SGCZ: variants seen among roughly 807,000 people sequenced by gnomAD.
SGCZ encodes sarcoglycan zeta.
A neutral mutation model predicts 41.3 loss-of-function variants in SGCZ; 40 were observed. The observed-to-expected ratio is 0.97, with a 90% CI of 0.75 to 1.26. The LOEUF is 1.26. Among genes scored for constraint, SGCZ ranks in the 50% most tolerant of loss-of-function variants. The pLI, the probability that SGCZ is intolerant of heterozygous loss-of-function variation, is 0.00. For synonymous variants in SGCZ, 206 were observed against 137.5 expected (o/e 1.50, Z -3.49); for missense variants, 552 against 369.8 (o/e 1.49, Z -4.04).
chr8:14,656,611 CCTCT>C (rs138779814), intron 1 of SGCZ, among the ~76,000 whole-genome samples: 31 of 144,400 alleles, frequency 2.1e-4, no homozygotes, highest in African/African-American at 4.7e-4. Flanking sequence ...CTCTCCCTCT[CCTCT>C]CTCTCTCTCT....
intron 1 of SGCZ, among the ~76,000 whole-genome samples, chr8:15,216,543 T>C (rs1215328597): frequency 6.6e-6 from 1 of 152,074 alleles, no homozygotes; most frequent in Non-Finnish European, 1.5e-5. Context: ...TAAAGGATGT[T>C]GGACGTAACA....
intron 1 of SGCZ, among the ~76,000 whole-genome samples, chr8:15,134,933 A>G (rs1374144578): frequency 1.3e-5 from 2 of 151,718 alleles, no homozygotes; most frequent in Non-Finnish European, 2.9e-5. Context: ...TTGAAAGACA[A>G]TAGTTTTTCA....
intron 3 of SGCZ, among the ~76,000 whole-genome samples, chr8:14,244,830 T>G (rs916423571): frequency 1.3e-5 from 2 of 152,176 alleles, no homozygotes; most frequent in Non-Finnish European, 2.9e-5. Context: ...GTTGGATTCC[T>G]AGGTATTTTA....
At chr8:14,247,783 G>A (rs768677045) in intron 3 of SGCZ, among the ~76,000 whole-genome samples, 7 of 152,300 alleles carry the variant, frequency 4.6e-5, no homozygotes, top group African/African-American at 1.4e-4. Flanking sequence ...TCCACTGTGA[G>A]TGCTACTGTC....
At chr8:15,233,959 T>C (rs766579351) in intron 1 of SGCZ, among the ~76,000 whole-genome samples, 1 of 152,140 alleles carries the variant, frequency 6.6e-6, no homozygotes, top group Non-Finnish European at 1.5e-5. Flanking sequence ...TATCCACAAA[T>C]AAATTCTTAG....
chr8:14,341,836 C>G (rs970814458), intron 2 of SGCZ, among the ~76,000 whole-genome samples: 3 of 152,190 alleles, frequency 2.0e-5, no homozygotes, highest in African/African-American at 4.8e-5. Context: ...CAGCTCCCGC[C>G]ATGATTCTGA....
chr8:14,110,522 G>C (rs1043988833), intron 5 of SGCZ, among the ~76,000 whole-genome samples: 1 of 152,010 alleles, frequency 6.6e-6, no homozygotes, highest in Non-Finnish European at 1.5e-5. Context: ...ATTTTTAAAG[G>C]ATTCTTGAAG....
intron 1 of SGCZ, among the ~76,000 whole-genome samples, chr8:14,560,426 C>G (rs563250369): frequency 6.6e-6 from 1 of 151,634 alleles, no homozygotes; most frequent in Non-Finnish European, 1.5e-5. Context: ...ATGGGAAGAA[C>G]AAGGAGGAGC....
At chr8:14,114,722 T>C (rs1173522123) in intron 5 of SGCZ, among the ~76,000 whole-genome samples, 1 of 152,026 alleles carries the variant, frequency 6.6e-6, no homozygotes, top group Non-Finnish European at 1.5e-5. Flanking sequence ...AAATAAGTTG[T>C]TTGTTACTAA....
intron 1 of SGCZ, among the ~76,000 whole-genome samples, chr8:15,153,803 G>C (rs559006910): frequency 6.6e-6 from 1 of 152,186 alleles, no homozygotes; most frequent in Admixed American, 6.6e-5. Context: ...AGGCCCATGA[G>C]TCAATTAAAC....
chr8:14,995,712 G>C (rs1228163725), intron 1 of SGCZ, among the ~76,000 whole-genome samples: 2 of 152,136 alleles, frequency 1.3e-5, no homozygotes, highest in Non-Finnish European at 2.9e-5. Flanking sequence ...ATGTAAAATA[G>C]CATAATAACA....
chr8:14,772,143 G>A (rs1294661326), intron 1 of SGCZ, among the ~76,000 whole-genome samples: 2 of 152,114 alleles, frequency 1.3e-5, no homozygotes, highest in Non-Finnish European at 1.5e-5. Flanking sequence ...AATAAGCTTT[G>A]TGTTAGATGG....
At chr8:15,063,049 C>G (rs988773530) in intron 1 of SGCZ, among the ~76,000 whole-genome samples, 2 of 152,122 alleles carry the variant, frequency 1.3e-5, no homozygotes, top group African/African-American at 4.8e-5. Context: ...CCATATTTCA[C>G]ATACATCTTT....
chr8:14,726,770 A>C (rs1293291544), intron 1 of SGCZ, among the ~76,000 whole-genome samples: 2 of 152,164 alleles, frequency 1.3e-5, no homozygotes, highest in African/African-American at 2.4e-5. Flanking sequence ...AAGGTAAGTT[A>C]ATTCAGATAT....
chr8:14,603,250 C>T (rs1469801621), intron 1 of SGCZ, among the ~76,000 whole-genome samples: 2 of 152,058 alleles, frequency 1.3e-5, no homozygotes, highest in African/African-American at 4.8e-5. Flanking sequence ...CACTCAGCAA[C>T]GTTAGACATT....
At chr8:14,886,909 A>T (rs566278237) in intron 1 of SGCZ, among the ~76,000 whole-genome samples, 23 of 152,252 alleles carry the variant, frequency 1.5e-4, no homozygotes, top group Admixed American at 4.6e-4. Context: ...GACCTAGGGC[A>T]GAGTACTGCA....
chr8:14,309,506 A>C, intron 3 of SGCZ: 1 of 1,609,050 alleles, frequency 6.2e-7, no homozygotes, highest in Non-Finnish European at 8.5e-7. Context: ...TTGTGATAAG[A>C]GAGCAGTGTG....
intron 1 of SGCZ, among the ~76,000 whole-genome samples, chr8:14,684,515 G>T (rs1449500460): frequency 1.3e-5 from 2 of 152,198 alleles, no homozygotes; most frequent in Admixed American, 1.3e-4. Flanking sequence ...AAAGCTGCTG[G>T]AGTTTTGCTA....
At chr8:14,275,928 C>G (rs1225862252) in intron 3 of SGCZ, among the ~76,000 whole-genome samples, 1 of 152,128 alleles carries the variant, frequency 6.6e-6, no homozygotes, top group Non-Finnish European at 1.5e-5. Context: ...TTGAGGAAAG[C>G]CAGACCAATG....
Sources: gnomAD v4.1 joint callset for allele counts (sites outside exome capture counted in the v4.1 genomes callset) on GRCh38, gnomAD v4.1.1 for gene constraint, MANE v1.5 for transcripts, NCBI Gene and HGNC (gene_info 2026-07-23, HGNC 2026-07-21) for gene names.